The following TMEM108 variants were observed in gnomAD, a reference collection of about 807,000 sequenced individuals.
TMEM108 encodes cancer/testis antigen 124.
A neutral mutation model predicts 35.1 loss-of-function variants in TMEM108; 12 were observed. The ratio of observed to expected loss-of-function variants is 0.34; its 90% CI spans 0.22 to 0.55. The LOEUF (loss-of-function observed/expected upper bound fraction) is 0.55, where lower values mean the gene tolerates loss of function less well. Among genes scored for constraint, TMEM108 ranks in the 20% least tolerant of loss-of-function variants. The pLI is 0.89. For missense variants in TMEM108, 680 were observed against 753.3 expected (o/e 0.90, Z 1.14); for synonymous variants, 287 against 308.6 (o/e 0.93, Z 0.73).
At chr3:133,041,270 A>AGGTT (rs1364565800) in intron 1 of TMEM108, among the ~76,000 whole-genome samples, 1 of 152,188 alleles carries the variant, frequency 6.6e-6, no homozygotes, top group Non-Finnish European at 1.5e-5. Flanking sequence ...TACACGTCTC[A>AGGTT]GGTTGTAAGC....
At chr3:133,207,337 G>GGT (rs72591166) in intron 2 of TMEM108, among the ~76,000 whole-genome samples, 112,803 of 151,348 alleles carry the variant, frequency 0.75, 42,251 homozygotes, top group East Asian at 0.95. Context: ...GTCCCAGTGA[G>GGT]GAGCCAGGTA....
chr3:133,276,415 T>C (rs1032449089), intron 3 of TMEM108, among the ~76,000 whole-genome samples: 4 of 152,114 alleles, frequency 2.6e-5, no homozygotes, highest in African/African-American at 9.7e-5. Flanking sequence ...GATTCTAGAA[T>C]CCAAAAAATT....
Position 133,168,844 on chromosome 3 carries a change from A to G in TMEM108, c.-46-60422A>G, listed in dbSNP as rs941273486. 3.3e-5 allele frequency among the ~76,000 whole-genome samples: 5 copies of G among 151,930 alleles called. 1 individual carries two copies. The highest frequency in any genetic ancestry group is 4.2e-4 in the South Asian group (2 of 4,806). On this transcript the variant is annotated intron_variant, in intron 2 of 5. Transcript: ENST00000321871. ...ACTCACCGTGAAGGTTTGCGGCTTC[A>G]CTCCTGAGGCCAGCGAGACCACAAA... is the stretch of plus-strand genomic sequence containing the variant.
At chr3:133,080,365 A>G (rs1357019) in intron 2 of TMEM108, among the ~76,000 whole-genome samples, 73,872 of 152,038 alleles carry the variant, frequency 0.49, 18,482 homozygotes, top group African/African-American at 0.61. Context: ...AAAATAACTG[A>G]TTTACATAAA....
chr3:133,120,735 G>A (rs1196298052), intron 2 of TMEM108: 1 of 152,068 alleles, frequency 6.6e-6, no homozygotes, highest in Non-Finnish European at 1.5e-5. Flanking sequence ...ATTTATCTAT[G>A]CTAGGCACTC....
chr3:133,270,479 G>A (rs1302116740), intron 3 of TMEM108, among the ~76,000 whole-genome samples: 2 of 152,202 alleles, frequency 1.3e-5, no homozygotes, highest in African/African-American at 4.8e-5. Context: ...TTGCATAGCT[G>A]ATCTGCAGAG....
intron 3 of TMEM108, among the ~76,000 whole-genome samples, chr3:133,323,994 T>G (rs2071298621): frequency 6.6e-6 from 1 of 152,188 alleles, no homozygotes; most frequent in African/African-American, 2.4e-5. Context: ...TGAAGCTGGA[T>G]TCTCCTCTCT....
chr3:133,183,392 G>A (rs1945376086), intron 2 of TMEM108, among the ~76,000 whole-genome samples: 1 of 152,158 alleles, frequency 6.6e-6, no homozygotes, highest in African/African-American at 2.4e-5. Context: ...GCACTGGGGA[G>A]TGAGAAGTCT....
intron 2 of TMEM108, among the ~76,000 whole-genome samples, chr3:133,206,346 C>T (rs1191086495): frequency 7.9e-5 from 12 of 152,104 alleles, no homozygotes; most frequent in Non-Finnish European, 1.3e-4. Flanking sequence ...CCCTTGCTGG[C>T]GAGGAGTTGT....
intron 2 of TMEM108, among the ~76,000 whole-genome samples, chr3:133,170,179 A>C (rs1945109310): frequency 6.6e-6 from 1 of 152,208 alleles, no homozygotes. Context: ...AAAAAAAAGA[A>C]ATAATTCCAA....
chr3:133,167,772 T>C (rs1464832286), intron 2 of TMEM108, among the ~76,000 whole-genome samples: 1 of 152,062 alleles, frequency 6.6e-6, no homozygotes, highest in East Asian at 1.9e-4. Flanking sequence ...CCCGCGCCTC[T>C]CCCTCCACAC....
chr3:133,233,556 G>C (rs1051152358), intron 3 of TMEM108, among the ~76,000 whole-genome samples: 2 of 152,148 alleles, frequency 1.3e-5, no homozygotes, highest in African/African-American at 4.8e-5. Context: ...TATATACCCA[G>C]TAATGGGATG....
intron 3 of TMEM108, among the ~76,000 whole-genome samples, chr3:133,339,225 T>C (rs2071589986): frequency 6.6e-6 from 1 of 150,872 alleles, no homozygotes; most frequent in African/African-American, 2.4e-5. Flanking sequence ...GAAACACACT[T>C]CACCTATAAA....
At chr3:133,340,140 A>C (rs571647749) in intron 3 of TMEM108, among the ~76,000 whole-genome samples, 1 of 150,146 alleles carries the variant, frequency 6.7e-6, no homozygotes, top group African/African-American at 2.4e-5. Flanking sequence ...ACAATACAAA[A>C]GATTAATGAA....
At chr3:133,258,387 G>A (rs1232050171) in intron 3 of TMEM108, among the ~76,000 whole-genome samples, 3 of 152,194 alleles carry the variant, frequency 2.0e-5, no homozygotes, top group Non-Finnish European at 4.4e-5. Flanking sequence ...TACAAGAAGG[G>A]CATGTTGTGA....
chr3:133,342,544 G>GTGTATATATATATATATATATATATA lies in TMEM108; in HGVS notation c.41-37207_41-37206insGTATATATATATATATATATATATAT, dbSNP rs1437254898. Among the ~76,000 whole-genome samples, 368 of 46,480 alleles carry GTGTATATATATATATATATATATATA rather than the reference G, an allele frequency of 7.9e-3. 67 individuals are homozygous for GTGTATATATATATATATATATATATA. The highest frequency in any genetic ancestry group is 0.023 in the African/African-American group (247 of 10,834). The allele number at this position is 46,480 out of a possible 152,430, so 30.5% of individuals were successfully genotyped here. A position where few individuals can be genotyped will look rare whatever the true frequency, so the allele number is the denominator to read the frequency against. Reference sequence around the variant, plus strand: ...TAAAAAAGTTAAAAAAGAAAATGTGGTATATATATATACACACACACACAC... The same window carrying GTGTATATATATATATATATATATATA: ...TAAAAAAGTTAAAAAAGAAAATGTGGTGTATATATATATATATATATATATATATATATATATACACACACACACAC... On this transcript the variant is annotated intron_variant, in intron 3 of 5. Transcript: ENST00000321871.
intron 2 of TMEM108, among the ~76,000 whole-genome samples, chr3:133,221,891 A>G (rs1411617408): frequency 3.9e-5 from 6 of 152,060 alleles, no homozygotes. Context: ...ACAAATTACC[A>G]TAGCTCTTAT....
At chr3:133,096,873 A>G (rs1032815708) in intron 2 of TMEM108, among the ~76,000 whole-genome samples, 3 of 152,206 alleles carry the variant, frequency 2.0e-5, no homozygotes, top group East Asian at 1.9e-4. Context: ...TACAAATATG[A>G]CAGCCAAGGA....
chr3:133,100,613 A>C, intron 2 of TMEM108, among the ~76,000 whole-genome samples: 1 of 152,162 alleles, frequency 6.6e-6, no homozygotes, highest in East Asian at 1.9e-4. Context: ...TCATAAATAA[A>C]ATAAAGATTC....
Sources: gnomAD v4.1 joint callset for allele counts (sites outside exome capture counted in the v4.1 genomes callset) on GRCh38, gnomAD v4.1.1 for gene constraint, MANE v1.5 for transcripts, NCBI Gene and HGNC (gene_info 2026-07-23, HGNC 2026-07-21) for gene names.